CRPPA: variants seen among roughly 807,000 people sequenced by gnomAD.
CRPPA encodes CDP-L-ribitol pyrophosphorylase A.
In CRPPA, 43 loss-of-function variants were observed where a neutral mutation model predicts 52.0. The observed-to-expected ratio is 0.83, with a 90% CI of 0.65 to 1.07. CRPPA has a LOEUF of 1.07. CRPPA is among the 50% of genes least tolerant of loss of function. CRPPA has a pLI of 0.00. For synonymous variants in CRPPA, 250 were observed against 203.5 expected (o/e 1.23, Z -1.94); for missense variants, 629 against 551.7 (o/e 1.14, Z -1.40).
chr7:16,293,194 A>G (rs1784596121), intron 5 of CRPPA, among the ~76,000 whole-genome samples: 1 of 151,834 alleles, frequency 6.6e-6, no homozygotes, highest in Non-Finnish European at 1.5e-5. Context: ...TCTGTCTCCA[A>G]TTTTCTTGGA....
At chr7:16,177,293 T>C (rs1270579325) in intron 9 of CRPPA, among the ~76,000 whole-genome samples, 1 of 152,108 alleles carries the variant, frequency 6.6e-6, no homozygotes, top group Non-Finnish European at 1.5e-5. Flanking sequence ...GATTATTATA[T>C]GTGAGTTTTA....
chr7:16,286,097 A>AAAAAATATATATATAT lies in CRPPA; in HGVS notation c.836-7872_836-7871insATATATATATATTTTT. Among the ~76,000 whole-genome samples the AAAAAATATATATATAT allele has an allele frequency of 9.7e-4, 38 of 39,116 alleles. 3 individuals carry two copies. The highest frequency in any genetic ancestry group is 1.7e-3 in the African/African-American group (9 of 5,448). 25.7% of individuals were successfully genotyped at this position (39,116 alleles called of 152,430 possible). ...TATATATATAATATTTAAAAAAAAA[A>AAAAAATATATATATAT]ATATATATATATATATATATGCCAA... is the stretch of plus-strand genomic sequence containing the variant. On this transcript the variant is annotated intron_variant, in intron 5 of 9. Transcript: ENST00000407010.
chr7:16,303,784 T>C lies in CRPPA; in HGVS notation c.790-2318A>G, dbSNP rs1052820516. Among the ~76,000 whole-genome samples the C allele has an allele frequency of 4.6e-5, 7 of 152,166 alleles. 1 individual carries two copies. In the South Asian group the frequency reaches 6.2e-4, roughly 13 times the overall value. On this transcript the variant is annotated intron_variant, in intron 4 of 9. Coordinates refer to ENST00000407010, the MANE Select transcript of CRPPA (RefSeq NM_001101426.4). ...TGTTTTTGAAATTACAAAAACCAAA[T>C]AGAGACTACTTTGTTTCTTTTGTTT...
intron 3 of CRPPA, among the ~76,000 whole-genome samples, chr7:16,369,270 C>T (rs1283171136): frequency 6.6e-6 from 1 of 152,192 alleles, no homozygotes; most frequent in Non-Finnish European, 1.5e-5. Context: ...TTTGAGCAAG[C>T]AGGGGGTACA....
At chr7:16,337,294 A>G (rs557678548) in intron 3 of CRPPA, among the ~76,000 whole-genome samples, 68 of 152,270 alleles carry the variant, frequency 4.5e-4, no homozygotes, top group Middle Eastern at 6.8e-3. Flanking sequence ...TAAAACTAAA[A>G]GTCAGTAACA....
intron 8 of CRPPA, among the ~76,000 whole-genome samples, chr7:16,218,159 T>C (rs1007044909): frequency 2.6e-5 from 4 of 151,510 alleles, no homozygotes; most frequent in Non-Finnish European, 5.9e-5. Flanking sequence ...AGAAAAGAAA[T>C]TTCAACCCAG....
chr7:16,227,112 G>T (rs369089431), intron 8 of CRPPA, among the ~76,000 whole-genome samples: 2 of 151,768 alleles, frequency 1.3e-5, no homozygotes, highest in Non-Finnish European at 3.0e-5. Context: ...AATTGTGTTT[G>T]TATCACATTT....
chr7:16,377,458 A>T (rs1786923921), intron 2 of CRPPA, among the ~76,000 whole-genome samples: 1 of 152,232 alleles, frequency 6.6e-6, no homozygotes, highest in African/African-American at 2.4e-5. Flanking sequence ...ATTCTATATC[A>T]GGGCATGAAG....
At position 16,291,404 on chromosome 7, in the gene CRPPA, T is replaced by TA. The variant is rs1784562014; in HGVS notation, c.835+10016dup. On this transcript the variant is annotated intron_variant, in intron 5 of 9. Coordinates refer to ENST00000407010, the MANE Select transcript of CRPPA (RefSeq NM_001101426.4). The stretch of plus-strand genomic sequence containing the variant: ...TACACAATGGAATACTACTGAGTCA[T>TA]AAAAATGAATGAAATTCTGTCATTT... Among the ~76,000 whole-genome samples, 3 of 152,082 alleles carry TA rather than the reference T, an allele frequency of 2.0e-5. No homozygotes were observed. The South Asian group carries it at 6.2e-4, about 31-fold the overall frequency.
intron 5 of CRPPA, among the ~76,000 whole-genome samples, chr7:16,280,786 C>G (rs569753518): frequency 6.6e-6 from 1 of 152,048 alleles, no homozygotes; most frequent in Non-Finnish European, 1.5e-5. Context: ...TTTGGGAGGC[C>G]AAGGTGGAAG....
intron 9 of CRPPA, among the ~76,000 whole-genome samples, chr7:16,213,592 T>A (rs896442269): frequency 6.6e-6 from 1 of 151,908 alleles, no homozygotes; most frequent in Non-Finnish European, 1.5e-5. Context: ...CTACTACATA[T>A]ACAAAATTTA....
At chr7:16,389,001 C>T (rs1465103439) in intron 2 of CRPPA, among the ~76,000 whole-genome samples, 1 of 151,996 alleles carries the variant, frequency 6.6e-6, no homozygotes, top group Non-Finnish European at 1.5e-5. Context: ...AACTATATTC[C>T]AGCAAATTAG....
At chr7:16,269,813 G>C (rs1784049599) in intron 6 of CRPPA, 1 of 151,938 alleles carries the variant, frequency 6.6e-6, no homozygotes, top group African/African-American at 2.4e-5. Context: ...ACAAATACTT[G>C]ACATAAAATA....
At chr7:16,347,090 T>C (rs535568368) in intron 3 of CRPPA, among the ~76,000 whole-genome samples, 4 of 151,932 alleles carry the variant, frequency 2.6e-5, no homozygotes, top group Admixed American at 6.6e-5. Flanking sequence ...TAATACTAGA[T>C]GCTTTACATA....
intron 8 of CRPPA, among the ~76,000 whole-genome samples, chr7:16,243,756 A>G (rs781468259): frequency 3.9e-4 from 59 of 152,160 alleles, no homozygotes; most frequent in Non-Finnish European, 6.9e-4. Context: ...GCTTGAGCTC[A>G]GGAGTTTAAG....
chr7:16,167,925 C>G (rs1781101450), intron 9 of CRPPA, among the ~76,000 whole-genome samples: 1 of 152,182 alleles, frequency 6.6e-6, no homozygotes, highest in Non-Finnish European at 1.5e-5. Context: ...AACACTTTGT[C>G]TTATTCCTCA....
At chr7:16,131,728 G>A (rs981601962) in intron 9 of CRPPA, among the ~76,000 whole-genome samples, 1 of 152,122 alleles carries the variant, frequency 6.6e-6, no homozygotes, top group Admixed American at 6.5e-5. Flanking sequence ...ACTACAGGCC[G>A]CACTACCATG....
intron 8 of CRPPA, among the ~76,000 whole-genome samples, chr7:16,240,297 A>T (rs887523708): frequency 1.3e-5 from 2 of 151,472 alleles, no homozygotes; most frequent in African/African-American, 4.9e-5. Flanking sequence ...AATACCTGAG[A>T]CTTACTACAT....
chr7:16,379,714 T>A (rs988730652), intron 2 of CRPPA, among the ~76,000 whole-genome samples: 3 of 152,214 alleles, frequency 2.0e-5, no homozygotes, highest in African/African-American at 7.2e-5. Context: ...ACATCCCTTG[T>A]AAGTTGGATT....
Sources: gnomAD v4.1 joint callset for allele counts (sites outside exome capture counted in the v4.1 genomes callset) on GRCh38, gnomAD v4.1.1 for gene constraint, MANE v1.5 for transcripts, NCBI Gene and HGNC (gene_info 2026-07-23, HGNC 2026-07-21) for gene names.